Variants in LIPC observed in about 807,000 individuals in gnomAD.
The protein encoded by LIPC is hepatic triacylglycerol lipase.
A neutral mutation model predicts 50.7 loss-of-function variants in LIPC; 44 were observed. That is an observed-to-expected ratio of 0.87 (90% CI 0.68 to 1.11). The LOEUF (loss-of-function observed/expected upper bound fraction) is 1.11. LIPC is among the 50% of genes most tolerant of loss of function. The pLI is 0.00. For synonymous variants in LIPC, 271 were observed against 256.4 expected (o/e 1.06, Z -0.54); for missense variants, 697 against 648.2 (o/e 1.08, Z -0.82).
intron 1 of LIPC, among the ~76,000 whole-genome samples, chr15:58,452,536 CT>C: frequency 6.6e-6 from 1 of 152,224 alleles, no homozygotes; most frequent in East Asian, 1.9e-4. Context: ...GGGCAGATTC[CT>C]TTAACTTTTG....
chr15:58,547,941 C>T (rs976930897), intron 5 of LIPC, among the ~76,000 whole-genome samples: 2 of 152,158 alleles, frequency 1.3e-5, no homozygotes, highest in African/African-American at 4.8e-5. Context: ...GCATCAGCAC[C>T]TGGGCATTTT....
At chr15:58,477,575 T>A (rs1891042590) in intron 1 of LIPC, among the ~76,000 whole-genome samples, 1 of 152,188 alleles carries the variant, frequency 6.6e-6, no homozygotes, top group Non-Finnish European at 1.5e-5. Flanking sequence ...ATGAAAGGGT[T>A]AGAAAATAAT....
At chr15:58,478,004 T>C (rs779727458) in intron 1 of LIPC, among the ~76,000 whole-genome samples, 21 of 152,052 alleles carry the variant, frequency 1.4e-4, no homozygotes, top group South Asian at 6.2e-4. Context: ...ACCCACCCCA[T>C]GCACACCTGT....
At chr15:58,481,226 T>C (rs189531292) in intron 1 of LIPC, among the ~76,000 whole-genome samples, 2 of 152,234 alleles carry the variant, frequency 1.3e-5, no homozygotes, top group East Asian at 3.9e-4. Context: ...GGGAGGGAAA[T>C]TGTACAACCT....
At chr15:58,537,791 C>G (rs1413121296) in intron 1 of LIPC, among the ~76,000 whole-genome samples, 2 of 152,110 alleles carry the variant, frequency 1.3e-5, no homozygotes, top group Non-Finnish European at 2.9e-5. Context: ...CCAACCCTGC[C>G]CCACACTCAC....
Position 58,463,966 on chromosome 15 carries a change from C to T in LIPC, c.88+31846C>T, listed in dbSNP as rs148021930. ...AGATAGTTACATTGATACAAGAGTC[C>T]ACAATGACAGGTTTCAAAGATGAAA... On this transcript the variant is annotated intron_variant, in intron 1 of 8. Transcript: ENST00000299022. 1.3e-4 allele frequency among the ~76,000 whole-genome samples: 20 copies of T among 152,170 alleles called. No homozygotes were observed. The East Asian group carries it at 3.5e-3, about 26-fold the overall frequency.
chr15:58,467,161 T>G (rs1894597131), intron 1 of LIPC, among the ~76,000 whole-genome samples: 1 of 152,212 alleles, frequency 6.6e-6, no homozygotes, highest in African/African-American at 2.4e-5. Flanking sequence ...ATAAATCCAG[T>G]AGACCAATGA....
intron 1 of LIPC, among the ~76,000 whole-genome samples, chr15:58,460,601 C>A (rs925421508): frequency 2.0e-5 from 3 of 152,222 alleles, no homozygotes; most frequent in African/African-American, 7.2e-5. Context: ...GAAACCCAGG[C>A]TCTGATGGGT....
At chr15:58,509,919 T>C (rs1892280100) in intron 1 of LIPC, among the ~76,000 whole-genome samples, 1 of 151,880 alleles carries the variant, frequency 6.6e-6, no homozygotes, top group East Asian at 1.9e-4. Context: ...AAAAATTTTA[T>C]AAGAAAGGGG....
intron 6 of LIPC, among the ~76,000 whole-genome samples, chr15:58,557,522 C>A (rs1566950880): frequency 6.6e-6 from 1 of 151,486 alleles, no homozygotes; most frequent in Non-Finnish European, 1.5e-5. Flanking sequence ...GCAGCTGAGA[C>A]TACAGGCACC....
rs774075210 is a variant in LIPC at position 58,548,420 on chromosome 15, A to G, written c.899A>G (p.Tyr300Cys). ...CACGCCGGCACGCAGAGCATGGCCT[A>G]CCCGTGTGGTGACATGAACAGCTTC... ...LLHAGTQSMA[Y>C]PCGDMNSFSQ... Residue 300 changes from tyrosine to cysteine, a missense_variant, in exon 6 of 9, where the codon TAC (tyrosine) becomes TGC (cysteine). By Grantham distance (194) the Tyr-to-Cys change is radical. Transcript: ENST00000299022. The G allele has an allele frequency of 3.1e-6, 5 of 1,614,044 alleles. No homozygotes were observed. Among genetic ancestry groups the G allele is most frequent in the East Asian group, 4.5e-5 (2 of 44,866 alleles).
At chr15:58,557,853 C>G (rs932549142) in intron 6 of LIPC, among the ~76,000 whole-genome samples, 1 of 152,062 alleles carries the variant, frequency 6.6e-6, no homozygotes, top group Non-Finnish European at 1.5e-5. Flanking sequence ...GGCCAGTCCT[C>G]CCACATCTTA....
chr15:58,516,647 G>A (rs532817345), intron 1 of LIPC, among the ~76,000 whole-genome samples: 1 of 152,206 alleles, frequency 6.6e-6, no homozygotes, highest in South Asian at 2.1e-4. Flanking sequence ...CTCAGACATT[G>A]ATTTTTGAAT....
At chr15:58,519,469 A>G (rs949933218) in intron 1 of LIPC, among the ~76,000 whole-genome samples, 2 of 151,862 alleles carry the variant, frequency 1.3e-5, no homozygotes, top group African/African-American at 4.8e-5. Flanking sequence ...AAAGCCAAGG[A>G]TTAAGAGAGT....
chr15:58,478,387 C>T (rs1245597553), intron 1 of LIPC, among the ~76,000 whole-genome samples: 4 of 152,128 alleles, frequency 2.6e-5, no homozygotes, highest in Admixed American at 1.3e-4. Flanking sequence ...TACAGGCGCA[C>T]ACCACCATAC....
intron 1 of LIPC, among the ~76,000 whole-genome samples, chr15:58,505,755 A>G (rs546087652): frequency 3.3e-5 from 5 of 152,174 alleles, no homozygotes; most frequent in African/African-American, 9.7e-5. Flanking sequence ...TCAAGTTGCT[A>G]AACAACTATC....
intron 1 of LIPC, among the ~76,000 whole-genome samples, chr15:58,480,626 A>G (rs1000345989): frequency 1.3e-5 from 2 of 152,222 alleles, no homozygotes; most frequent in African/African-American, 4.8e-5. Context: ...AAGCTTGTCC[A>G]ACCTTCAGCC....
Position 58,481,753 on chromosome 15 carries a change from C to T in LIPC, c.88+49633C>T, listed in dbSNP as rs146539398. Among the ~76,000 whole-genome samples, 467 of 152,288 alleles carry T rather than the reference C, an allele frequency of 3.1e-3. 3 individuals are homozygous for T. Among genetic ancestry groups the T allele is most frequent in the African/African-American group, 0.01 (424 of 41,560 alleles). On this transcript the variant is annotated intron_variant, in intron 1 of 8. Coordinates refer to ENST00000299022, the MANE Select transcript of LIPC (RefSeq NM_000236.3). Reference sequence around the variant, plus strand: ...GGCAGAGGTTACGGTGAGCCGAGATCGGGCCACTGCACTCCAGCCTGGCCA... The same window carrying T: ...GGCAGAGGTTACGGTGAGCCGAGATTGGGCCACTGCACTCCAGCCTGGCCA...
chr15:58,558,197 C>G (rs1168308531), intron 6 of LIPC, among the ~76,000 whole-genome samples: 1 of 151,998 alleles, frequency 6.6e-6, no homozygotes, highest in Non-Finnish European at 1.5e-5. Context: ...CTCAGCCTCC[C>G]GAGTAGCTGG....
Sources: gnomAD v4.1 joint callset for allele counts (sites outside exome capture counted in the v4.1 genomes callset) on GRCh38, gnomAD v4.1.1 for gene constraint, MANE v1.5 for transcripts, NCBI Gene and HGNC (gene_info 2026-07-23, HGNC 2026-07-21) for gene names.